CSNK2A2IP: variants seen among roughly 807,000 people sequenced by gnomAD.
The protein encoded by CSNK2A2IP is casein kinase II subunit alpha'-interacting protein.
the CSNK2A2IP span, among the ~76,000 whole-genome samples, chr3:88,379,439 A>G: frequency 4.6e-5 from 7 of 152,142 alleles, no homozygotes; most frequent in African/African-American, 1.2e-4. Flanking sequence ...AGAGGAGGTC[A>G]CTTTCTGGAG....
chr3:88,384,368 T>TAAA, the CSNK2A2IP span, among the ~76,000 whole-genome samples: 28 of 133,574 alleles, frequency 2.1e-4, no homozygotes, highest in East Asian at 6.7e-4. Flanking sequence ...AACCCAAAAT[T>TAAA]AAAAAAAAAA....
chr3:88,449,852 C>T, the CSNK2A2IP span, among the ~76,000 whole-genome samples: 6,629 of 81,184 alleles, frequency 0.082, 310 homozygotes, highest in Non-Finnish European at 0.14. Flanking sequence ...CACACACACA[C>T]ACATATATAT....
the CSNK2A2IP span, among the ~76,000 whole-genome samples, chr3:88,440,298 GT>G: frequency 4.6e-5 from 7 of 151,938 alleles, no homozygotes; most frequent in African/African-American, 7.3e-5. Flanking sequence ...TTGGAGTTGA[GT>G]TTTTTTTAGA....
chr3:88,363,869 A>ATG, the CSNK2A2IP span, among the ~76,000 whole-genome samples: 1 of 152,132 alleles, frequency 6.6e-6, no homozygotes, highest in South Asian at 2.1e-4. Flanking sequence ...AGGAAAAGGC[A>ATG]TGCTTCCTAA....
the CSNK2A2IP span, among the ~76,000 whole-genome samples, chr3:88,402,695 G>T: frequency 6.7e-6 from 1 of 149,266 alleles, no homozygotes; most frequent in African/African-American, 2.4e-5. Context: ...ATATATATTT[G>T]CACGTAAAGA....
At chr3:88,458,835 C>A in the CSNK2A2IP span, among the ~76,000 whole-genome samples, 2 of 152,120 alleles carry the variant, frequency 1.3e-5, no homozygotes, top group African/African-American at 4.8e-5. Context: ...TATTTAATGT[C>A]ATTGCTAAAT....
chr3:88,389,193 G>A, the CSNK2A2IP span, among the ~76,000 whole-genome samples: 1 of 151,874 alleles, frequency 6.6e-6, no homozygotes, highest in African/African-American at 2.4e-5. Flanking sequence ...ATTTAAAATA[G>A]GGGGTTCAGG....
At chr3:88,407,024 G>C in the CSNK2A2IP span, among the ~76,000 whole-genome samples, 1 of 152,104 alleles carries the variant, frequency 6.6e-6, no homozygotes, top group Non-Finnish European at 1.5e-5. Flanking sequence ...AATGCTGTTA[G>C]TTCCTATCAC....
chr3:88,418,463 T>TGTGTGCGCGCGCGCGCGCGC, the CSNK2A2IP span, among the ~76,000 whole-genome samples: 10 of 149,632 alleles, frequency 6.7e-5, no homozygotes, highest in African/African-American at 2.5e-4. Flanking sequence ...TGTGTGTGTG[T>TGTGTGCGCGCGCGCGCGCGC]GCGCGCGGGC....
chr3:88,431,695 A>G, the CSNK2A2IP span, among the ~76,000 whole-genome samples: 2 of 152,224 alleles, frequency 1.3e-5, no homozygotes, highest in Non-Finnish European at 2.9e-5. Context: ...TTACATGGAT[A>G]AGAATCTAGA....
the CSNK2A2IP span, among the ~76,000 whole-genome samples, chr3:88,447,863 T>A: frequency 6.6e-6 from 1 of 152,170 alleles, no homozygotes. Context: ...TATACAGTTT[T>A]ATTTTAAGAA....
At chr3:88,413,445 A>T in the CSNK2A2IP span, among the ~76,000 whole-genome samples, 5 of 152,020 alleles carry the variant, frequency 3.3e-5, no homozygotes, top group African/African-American at 4.8e-5. Flanking sequence ...ACTGTGTATT[A>T]AATAATACTA....
the CSNK2A2IP span, among the ~76,000 whole-genome samples, chr3:88,380,415 C>G: frequency 2.7e-4 from 41 of 151,592 alleles, 1 homozygote; most frequent in South Asian, 8.1e-3. Flanking sequence ...TTCAAGGGCA[C>G]AAACTATGTT....
chr3:88,415,681 A>C, the CSNK2A2IP span, among the ~76,000 whole-genome samples: 1 of 152,014 alleles, frequency 6.6e-6, no homozygotes, highest in South Asian at 2.1e-4. Context: ...ATCTCATTTA[A>C]TCCTCACATA....
chr3:88,423,268 A>G, the CSNK2A2IP span, among the ~76,000 whole-genome samples: 1 of 152,240 alleles, frequency 6.6e-6, no homozygotes, highest in South Asian at 2.1e-4. Context: ...CACAGGAAAT[A>G]TAAGCATAAA....
chr3:88,460,351 A>G, the CSNK2A2IP span, among the ~76,000 whole-genome samples: 197 of 152,168 alleles, frequency 1.3e-3, no homozygotes, highest in Admixed American at 2.8e-3. Context: ...TTCTATCTCA[A>G]ATAGGCTCTT....
the CSNK2A2IP span, chr3:88,465,614 G>C: frequency 1.6e-6 from 2 of 1,231,664 alleles, no homozygotes; most frequent in Non-Finnish European, 2.0e-6. Context: ...TTCTGTGATA[G>C]GTTTCTGAAT....
At chr3:88,365,971 G>T in the CSNK2A2IP span, among the ~76,000 whole-genome samples, 1 of 151,892 alleles carries the variant, frequency 6.6e-6, no homozygotes, top group Admixed American at 6.6e-5. Flanking sequence ...TTTCTGATGA[G>T]GATTGAATGA....
At chr3:88,338,492 A>G in the CSNK2A2IP span, 1 of 152,090 alleles carries the variant, frequency 6.6e-6, no homozygotes, top group Admixed American at 6.6e-5. Context: ...GTGAGGGTAG[A>G]CTATTAAGGC....
Sources: allele counts gnomAD v4.1 joint callset (sites outside exome capture counted in the v4.1 genomes callset), GRCh38; gene constraint gnomAD v4.1.1; transcripts MANE v1.5; gene names NCBI Gene and HGNC (gene_info 2026-07-23, HGNC 2026-07-21).